The following FBLN5 variants were observed in gnomAD, a reference collection of about 807,000 sequenced individuals.
The protein encoded by FBLN5 is fibulin 5.
FBLN5 carries 24 observed loss-of-function variants against 61.6 expected under a neutral mutation model. The ratio of observed to expected loss-of-function variants is 0.39; its 90% CI spans 0.28 to 0.55. The LOEUF is 0.55. Ranked by LOEUF, FBLN5 falls within the 20% of genes least tolerant of loss-of-function variation. The pLI is 0.65. For missense variants in FBLN5, 470 were observed against 594.1 expected, an observed-to-expected ratio of 0.79 and a Z score of 2.17; for synonymous variants, 213 against 219.8, an observed-to-expected ratio of 0.97 and a Z score of 0.27.
chr14:91,894,034 T>C (rs1305872625), intron 5 of FBLN5, among the ~76,000 whole-genome samples: 1 of 152,182 alleles, frequency 6.6e-6, no homozygotes, highest in East Asian at 1.9e-4. Flanking sequence ...GGATATAAAC[T>C]TCGTGAAGAC....
intron 5 of FBLN5, among the ~76,000 whole-genome samples, chr14:91,894,402 C>CAAAAAAAAA (rs58035118): frequency 1.2e-4 from 4 of 34,372 alleles, no homozygotes; most frequent in Admixed American, 5.3e-4. Flanking sequence ...GACACCATAT[C>CAAAAAAAAA]AAAAAAAAAA....
intron 1 of FBLN5, among the ~76,000 whole-genome samples, chr14:91,944,954 G>C (rs564387859): frequency 2.0e-5 from 3 of 152,306 alleles, no homozygotes; most frequent in Non-Finnish European, 4.4e-5. Context: ...AATCAGGCTG[G>C]GCATGGTGGC....
intron 4 of FBLN5, among the ~76,000 whole-genome samples, chr14:91,903,220 A>G (rs1430578459): frequency 6.6e-6 from 1 of 152,202 alleles, no homozygotes; most frequent in African/African-American, 2.4e-5. Flanking sequence ...AGCACAGTCT[A>G]GCCAAAACAG....
intron 4 of FBLN5, among the ~76,000 whole-genome samples, chr14:91,925,231 G>A (rs566042358): frequency 7.9e-5 from 12 of 152,270 alleles, no homozygotes; most frequent in African/African-American, 2.4e-4. Context: ...CAACATACCC[G>A]CCGGCCCCAG....
intron 6 of FBLN5, 53 bp from the exon 7 acceptor site, chr14:91,887,365 ATAAC>A: frequency 1.9e-6 from 3 of 1,596,236 alleles, no homozygotes; most frequent in Non-Finnish European, 2.6e-6. Context: ...AACAGCCACA[ATAAC>A]TAGGCAGAAA....
intron 4 of FBLN5, among the ~76,000 whole-genome samples, chr14:91,903,247 A>G (rs555470039): frequency 1.3e-5 from 2 of 152,310 alleles, no homozygotes; most frequent in Non-Finnish European, 2.9e-5. Context: ...TTTCTGGTGT[A>G]CGGACAGAGC....
intron 6 of FBLN5, among the ~76,000 whole-genome samples, chr14:91,888,758 GT>G (rs1269658564): frequency 6.6e-6 from 1 of 152,070 alleles, no homozygotes; most frequent in East Asian, 1.9e-4. Context: ...TGAGTCAGGG[GT>G]TTTTCCACAA....
intron 2 of FBLN5, chr14:91,941,887 C>A (rs910733548): frequency 3.4e-6 from 1 of 298,170 alleles, no homozygotes; most frequent in Non-Finnish European, 6.7e-6. Flanking sequence ...GCCCTTGGGG[C>A]CTACCTGTCT....
At chr14:91,874,729 A>C (rs186830727) in intron 10 of FBLN5, 1 of 152,298 alleles carries the variant, frequency 6.6e-6, no homozygotes, top group African/African-American at 2.4e-5. Flanking sequence ...CTGTGTGTGG[A>C]GTTATTGGGG....
chr14:91,900,781 T>C (rs1890417847), intron 4 of FBLN5, among the ~76,000 whole-genome samples: 1 of 152,058 alleles, frequency 6.6e-6, no homozygotes, highest in Admixed American at 6.6e-5. Flanking sequence ...GGTGCCAGCC[T>C]GACTGCCTGG....
intron 6 of FBLN5, 90 bp downstream of exon 6, chr14:91,891,131 G>C: frequency 1.2e-6 from 1 of 806,112 alleles, no homozygotes; most frequent in Non-Finnish European, 2.2e-6. Flanking sequence ...TGTAGCAGCA[G>C]TATTTCCCAC....
At chr14:91,942,552 G>C (rs1467515316) in intron 2 of FBLN5, among the ~76,000 whole-genome samples, 2 of 152,240 alleles carry the variant, frequency 1.3e-5, no homozygotes. Flanking sequence ...TTAATACCTA[G>C]TGATGAATTG....
chr14:91,890,667 G>A (rs1247013735), intron 6 of FBLN5, among the ~76,000 whole-genome samples: 3 of 152,234 alleles, frequency 2.0e-5, no homozygotes, highest in Admixed American at 6.5e-5. Context: ...CTGGTTTTGT[G>A]GGGGCACGCT....
At chr14:91,885,024 T>C (rs1325277518) in intron 7 of FBLN5, among the ~76,000 whole-genome samples, 2 of 152,064 alleles carry the variant, frequency 1.3e-5, no homozygotes, top group Non-Finnish European at 2.9e-5. Flanking sequence ...GAGACAAGGC[T>C]AGGAGGGGTC....
At chr14:91,922,803 A>G (rs1382870515) in intron 4 of FBLN5, among the ~76,000 whole-genome samples, 1 of 152,164 alleles carries the variant, frequency 6.6e-6, no homozygotes, top group Non-Finnish European at 1.5e-5. Context: ...GCAGTGTCAG[A>G]TTTCTCACAG....
chr14:91,894,521 G>A (rs893207758), intron 5 of FBLN5, among the ~76,000 whole-genome samples: 2 of 147,940 alleles, frequency 1.4e-5, no homozygotes, highest in Non-Finnish European at 3.0e-5. Flanking sequence ...AGGAGTTCAA[G>A]ACCAGCCTGG....
intron 4 of FBLN5, among the ~76,000 whole-genome samples, chr14:91,935,847 C>T (rs1201635586): frequency 6.6e-6 from 1 of 152,190 alleles, no homozygotes; most frequent in East Asian, 1.9e-4. Flanking sequence ...TTAAGGTAAA[C>T]ATTAACCAGC....
chr14:91,918,076 A>G (rs1891271470), intron 4 of FBLN5, among the ~76,000 whole-genome samples: 1 of 152,220 alleles, frequency 6.6e-6, no homozygotes, highest in African/African-American at 2.4e-5. Context: ...GGAGTGTCAC[A>G]TCTAGAATAA....
At chr14:91,931,269 C>T (rs1335897489) in intron 4 of FBLN5, among the ~76,000 whole-genome samples, 1 of 152,194 alleles carries the variant, frequency 6.6e-6, no homozygotes, top group Admixed American at 6.5e-5. Context: ...TCTTGAATTT[C>T]AGCTGCTTGT....
Sources: allele counts gnomAD v4.1 joint callset (sites outside exome capture counted in the v4.1 genomes callset), GRCh38; gene constraint gnomAD v4.1.1; transcripts MANE v1.5; gene names NCBI Gene and HGNC (gene_info 2026-07-23, HGNC 2026-07-21).